SPP2: variants seen among roughly 807,000 people sequenced by gnomAD.
The protein encoded by SPP2 is secreted phosphoprotein 2, also known as secreted phosphoprotein 24.
SPP2 carries 34 observed loss-of-function variants against 28.8 expected under a neutral mutation model. That is an observed-to-expected ratio of 1.18 (90% CI 0.90 to 1.57). The LOEUF is 1.57. Among genes scored for constraint, SPP2 ranks in the 40% most tolerant of loss-of-function variants. The probability of loss-of-function intolerance (pLI) is 0.00; values close to 1 mark genes in which losing one functional copy is unlikely to be tolerated. For missense variants in SPP2, 269 were observed against 263.9 expected (o/e 1.02, Z -0.13); for synonymous variants, 96 against 89.4 (o/e 1.07, Z -0.42).
chr2:234,066,987 G>A, intron 5 of SPP2, among the ~76,000 whole-genome samples: 1 of 152,308 alleles, frequency 6.6e-6, no homozygotes, highest in East Asian at 1.9e-4. Context: ...CTTAGTTCAG[G>A]GAGGAAGGGC....
At chr2:234,065,978 T>C (rs1693810412) in intron 4 of SPP2, among the ~76,000 whole-genome samples, 1 of 152,234 alleles carries the variant, frequency 6.6e-6, no homozygotes, top group South Asian at 2.1e-4. Flanking sequence ...ATTGTCTTGG[T>C]ATGTGTCCCT....
At position 234,067,264 on chromosome 2, in the gene SPP2, T is replaced by A; in HGVS notation, c.540T>A (p.Asp180Glu). 1 of 1,614,100 alleles carries A rather than the reference T, an allele frequency of 6.2e-7. No homozygotes were observed. Among genetic ancestry groups the A allele is most frequent in the Non-Finnish European group, 8.5e-7 (1 of 1,179,986 alleles). ...SDESISEQFY[D>E]RSLGIMRRVL... ...AGTCCATAAGTGAACAATTTTATGA[T>A]CGGTCACTTGGTAAGTGATTTCTTT... Residue 180 changes from aspartate to glutamate, a missense_variant, in exon 6 of 8, where the codon GAT becomes GAA. By Grantham distance (45) the Asp-to-Glu change is conservative (BLOSUM62 2). Transcript: ENST00000168148.
intron 6 of SPP2, among the ~76,000 whole-genome samples, chr2:234,067,777 CAAAAAAAAAAAAAAAAAA>C (rs56184185): frequency 6.3e-5 from 4 of 63,488 alleles, no homozygotes; most frequent in African/African-American, 2.8e-4. Flanking sequence ...GACTCCGTCT[CAAAAAAAAAAAAAAAAAA>C]AAAAAAAAAA....
At chr2:234,064,988 A>G (rs1693789448) in intron 4 of SPP2, among the ~76,000 whole-genome samples, 1 of 152,238 alleles carries the variant, frequency 6.6e-6, no homozygotes, top group South Asian at 2.1e-4. Context: ...TGGCTATCAT[A>G]GATAATGAGG....
intron 7 of SPP2, among the ~76,000 whole-genome samples, chr2:234,074,253 G>A (rs1995697): frequency 0.064 from 9,796 of 152,182 alleles, 554 homozygotes; most frequent in African/African-American, 0.15. Context: ...TTTGTCATGC[G>A]TTGGGTGAAA....
intron 7 of SPP2, among the ~76,000 whole-genome samples, chr2:234,072,266 G>A (rs1690804998): frequency 6.6e-6 from 1 of 152,162 alleles, no homozygotes; most frequent in African/African-American, 2.4e-5. Flanking sequence ...GACACAAATG[G>A]TAGCTTTTCT....
At chr2:234,075,492 C>T (rs566868624) in intron 7 of SPP2, among the ~76,000 whole-genome samples, 6 of 152,312 alleles carry the variant, frequency 3.9e-5, no homozygotes, top group South Asian at 4.1e-4. Flanking sequence ...CTCACGGCCG[C>T]GTTGGATGTG....
At chr2:234,058,315 A>G (rs1353516744) in intron 2 of SPP2, among the ~76,000 whole-genome samples, 1 of 152,202 alleles carries the variant, frequency 6.6e-6, no homozygotes, top group East Asian at 1.9e-4. Context: ...AAAGCCACGA[A>G]ATAGACCATA....
Position 234,051,041 on chromosome 2 carries a change from T to A in SPP2, c.156T>A (p.Asn52Lys). 6.2e-7 allele frequency: 1 copy of A among 1,614,034 alleles called. No homozygotes were observed. Among genetic ancestry groups the A allele is most frequent in the Non-Finnish European group, 8.5e-7 (1 of 1,179,926 alleles). The change falls in exon 2 of 8, where the codon AAT becomes AAA. Residue 52 changes from asparagine (N) to lysine (K), a missense_variant. By Grantham distance (94) the Asn-to-Lys change is moderately conservative. Transcript: ENST00000168148. ...DALSASVVKV[N>K]SQSLSPYLFR... ...TCAGTGCCTCTGTGGTAAAAGTGAA[T>A]TCCCAGTCACTGAGTCCGTATCTGT...
chr2:234,076,354 C>G lies in SPP2; in HGVS notation c.*11-491C>G, dbSNP rs531729230. Among the ~76,000 whole-genome samples, 8 of 152,224 alleles carry G rather than the reference C, an allele frequency of 5.3e-5. No individual in the cohort carries two copies. In the South Asian group the frequency reaches 1.0e-3, roughly 20 times the overall value. ...AGTATCCCCGCCCCATCTTATCCTC[C>G]GAGTTCAGCTTACATGCCCTCTTCA... On this transcript the variant is annotated intron_variant, in intron 7 of 7. Coordinates refer to ENST00000168148, the MANE Select transcript of SPP2 (RefSeq NM_006944.3).
chr2:234,072,480 TATG>T (rs1426895715), intron 7 of SPP2, among the ~76,000 whole-genome samples: 1 of 152,218 alleles, frequency 6.6e-6, no homozygotes, highest in Non-Finnish European at 1.5e-5. Context: ...TTATTAGTAA[TATG>T]ATAACGTTGG....
At chr2:234,060,700 TTCTC>T (rs146209101) in intron 4 of SPP2, among the ~76,000 whole-genome samples, 15 of 149,266 alleles carry the variant, frequency 1.0e-4, no homozygotes, top group Middle Eastern at 6.9e-3. Context: ...TCCTCTCTCT[TTCTC>T]TCTCTCTCTC....
intron 3 of SPP2, among the ~76,000 whole-genome samples, 178 bp downstream of exon 3, chr2:234,059,136 T>G (rs568272460): frequency 7.9e-5 from 12 of 152,330 alleles, no homozygotes; most frequent in African/African-American, 2.9e-4. Context: ...AACATTGAGC[T>G]GTGGAGTCTG....
At chr2:234,067,192 AGTCTT>A (rs1431668649) in intron 5 of SPP2, 27 bp from the exon 6 acceptor site, 18 of 1,590,608 alleles carry the variant, frequency 1.1e-5, no homozygotes, top group Non-Finnish European at 1.5e-5. Context: ...CAGTGAGAGG[AGTCTT>A]GTCTTATGAT....
chr2:234,054,100 A>G (rs1410675846), intron 2 of SPP2, among the ~76,000 whole-genome samples: 2 of 152,200 alleles, frequency 1.3e-5, no homozygotes, highest in Non-Finnish European at 2.9e-5. Context: ...TCTTTGAGCT[A>G]AGACTCACTC....
At position 234,056,461 on chromosome 2, in the gene SPP2, C is replaced by T. The variant is rs186232658; in HGVS notation, c.211-2375C>T. 4.6e-5 allele frequency among the ~76,000 whole-genome samples: 7 copies of T among 152,292 alleles called. No homozygotes were observed. In the East Asian group the frequency reaches 5.8e-4, roughly 13 times the overall value. On this transcript the variant is annotated intron_variant, in intron 2 of 7. Coordinates refer to ENST00000168148, the MANE Select transcript of SPP2 (RefSeq NM_006944.3). ...TGGCAGAAAGTGAGTTCAAATGAAA[C>T]AGCAAAAATGTTAGATGTTTCTCCC...
chr2:234,051,120 T>G (rs200913509), intron 2 of SPP2, 25 bp downstream of exon 2: 48 of 1,607,822 alleles, frequency 3.0e-5, no homozygotes, highest in Non-Finnish European at 3.8e-5. Flanking sequence ...AAATCTTCTC[T>G]ACTCCTCCTT....
rs1387657136 is a variant in SPP2 at position 234,051,081 on chromosome 2, A to C, written c.196A>C (p.Ser66Arg). ...LSPYLFRAFR[S>R]SLKRVEVLDE... ...TCCGTATCTGTTTCGGGCATTCAGA[A>C]GCTCATTAAAAAGAGTAAGTGCAAA... Residue 66 changes from serine (S) to arginine (R), a missense_variant, in exon 2 of 8, where the codon AGC (serine) becomes CGC (arginine). By Grantham distance (110) the Ser-to-Arg change is moderately radical. Transcript: ENST00000168148. 2 of 1,613,706 alleles carry C rather than the reference A, an allele frequency of 1.2e-6. No homozygotes were observed. The highest frequency in any genetic ancestry group is 1.7e-6 in the Non-Finnish European group (2 of 1,179,778).
chr2:234,060,257 T>A, intron 3 of SPP2, 112 bp from the exon 4 acceptor site: 1 of 736,052 alleles, frequency 1.4e-6, no homozygotes, highest in Non-Finnish European at 2.3e-6. Flanking sequence ...CTCTGTGAAG[T>A]TTTTCTTTGT....
Sources: allele counts gnomAD v4.1 joint callset (sites outside exome capture counted in the v4.1 genomes callset), GRCh38; gene constraint gnomAD v4.1.1; transcripts MANE v1.5; gene names NCBI Gene and HGNC (gene_info 2026-07-23, HGNC 2026-07-21).